The following PLD1 variants were observed in gnomAD, a reference collection of about 807,000 sequenced individuals.
PLD1 encodes phospholipase D1.
PLD1 carries 112 observed loss-of-function variants against 137.1 expected under a neutral mutation model. That is an observed-to-expected ratio of 0.82 (90% confidence interval 0.70 to 0.96). The LOEUF (loss-of-function observed/expected upper bound fraction) is 0.96. Among genes scored for constraint, PLD1 ranks in the 40% least tolerant of loss-of-function variants. PLD1 has a pLI of 0.00. For missense variants in PLD1, 1,321 were observed against 1,342.0 expected (o/e 0.98, Z 0.24); for synonymous variants, 431 against 454.7 (o/e 0.95, Z 0.66).
chr3:171,777,285 A>G lies in PLD1; in HGVS notation c.-32+33114T>C, dbSNP rs139486839. ...TGAAAAGAGTTCAAAATTGGTTTCTATGTCCCAGGAACCGGAGAGCTGGTC... is the reference window on the plus strand; with the variant it reads ...TGAAAAGAGTTCAAAATTGGTTTCTGTGTCCCAGGAACCGGAGAGCTGGTC... On this transcript the variant is annotated intron_variant, in intron 1 of 26. Transcript: ENST00000351298. Among the ~76,000 whole-genome samples, 1,361 of 152,314 alleles carry G rather than the reference A, an allele frequency of 8.9e-3. 21 individuals are homozygous for G. Among genetic ancestry groups the G allele is most frequent in the African/African-American group, 0.031 (1,279 of 41,564 alleles).
Position 171,675,776 on chromosome 3 carries a change from A to G in PLD1, c.2115+939T>C, listed in dbSNP as rs569232626. Among the ~76,000 whole-genome samples, 16 of 152,276 alleles carry G rather than the reference A, an allele frequency of 1.1e-4. 1 individual carries two copies. Among genetic ancestry groups the G allele is most frequent in the African/African-American group, 1.9e-4 (8 of 41,546 alleles). ...ACTAAATTCTTTTTCCAAACGACCAAGGGGAATCATGACTCATTATCCCTT... is the reference window on the plus strand; with the variant it reads ...ACTAAATTCTTTTTCCAAACGACCAGGGGGAATCATGACTCATTATCCCTT... On this transcript the variant is annotated intron_variant, in intron 18 of 26. Transcript: ENST00000351298.
chr3:171,663,150 T>C (rs947304985), intron 19 of PLD1, among the ~76,000 whole-genome samples: 2 of 152,230 alleles, frequency 1.3e-5, no homozygotes, highest in Non-Finnish European at 2.9e-5. Context: ...CTCTTCTCCT[T>C]AGCGTCTATA....
chr3:171,659,978 TACA>T (rs1233626732), intron 20 of PLD1, among the ~76,000 whole-genome samples: 1 of 152,226 alleles, frequency 6.6e-6, no homozygotes, highest in Non-Finnish European at 1.5e-5. Context: ...GAAAACAAGT[TACA>T]ACATTATCAT....
intron 24 of PLD1, among the ~76,000 whole-genome samples, chr3:171,614,376 T>G (rs893103620): frequency 6.6e-6 from 1 of 152,192 alleles, no homozygotes; most frequent in Non-Finnish European, 1.5e-5. Flanking sequence ...TTTGGGCAAT[T>G]CACTTAATCT....
intron 19 of PLD1, among the ~76,000 whole-genome samples, chr3:171,663,808 T>C (rs1228971948): frequency 1.3e-5 from 2 of 152,230 alleles, no homozygotes; most frequent in Non-Finnish European, 2.9e-5. Context: ...AAACTGTCCC[T>C]TATAAGGTCA....
chr3:171,652,084 G>GA (rs1350739809), intron 21 of PLD1, among the ~76,000 whole-genome samples: 1 of 152,098 alleles, frequency 6.6e-6, no homozygotes, highest in Admixed American at 6.5e-5. Flanking sequence ...TATCCCACAA[G>GA]AAAAAATGTG....
chr3:171,764,877 A>G (rs1578438135), intron 1 of PLD1, among the ~76,000 whole-genome samples: 1 of 28,616 alleles, frequency 3.5e-5, no homozygotes, highest in African/African-American at 1.4e-4. Context: ...GAAAGAAAGA[A>G]AGAAAGAAAG....
intron 1 of PLD1, among the ~76,000 whole-genome samples, chr3:171,747,918 C>A (rs1560274782): frequency 6.7e-6 from 1 of 148,858 alleles, no homozygotes; most frequent in Non-Finnish European, 1.5e-5. Flanking sequence ...GCTCAACTTC[C>A]TCACCTAAAA....
At chr3:171,704,255 G>A (rs1005299776) in intron 11 of PLD1, among the ~76,000 whole-genome samples, 1 of 152,110 alleles carries the variant, frequency 6.6e-6, no homozygotes, top group Non-Finnish European at 1.5e-5. Context: ...GCACCACAAA[G>A]GCATTAACAA....
In PLD1 at chr3:171,632,818, G is replaced by A. The variant is rs565835951; in HGVS notation, c.2593+10022C>T. Among the ~76,000 whole-genome samples the A allele has an allele frequency of 7.2e-5, 11 of 152,236 alleles. No individual in the cohort carries two copies. The East Asian group carries it at 9.6e-4, about 13-fold the overall frequency. On this transcript the variant is annotated intron_variant, in intron 23 of 26. Transcript: ENST00000351298. The stretch of plus-strand genomic sequence containing the variant: ...TGAAGGTTTAGGACATGTCATATTC[G>A]TAATTTTCTAAAGCACATCTATGTG...
At chr3:171,632,423 T>C (rs1734744620) in intron 23 of PLD1, among the ~76,000 whole-genome samples, 1 of 152,194 alleles carries the variant, frequency 6.6e-6, no homozygotes, top group African/African-American at 2.4e-5. Flanking sequence ...ACTGGCAATA[T>C]TTCAATAAGG....
intron 25 of PLD1, among the ~76,000 whole-genome samples, chr3:171,610,799 ATCT>A (rs756572856): frequency 2.0e-5 from 3 of 152,222 alleles, no homozygotes; most frequent in African/African-American, 4.8e-5. Context: ...TGGTTTGAAA[ATCT>A]TCTTACTGGC....
chr3:171,724,115 C>T (rs4894750), intron 8 of PLD1, among the ~76,000 whole-genome samples: 57,510 of 151,964 alleles, frequency 0.38, 12,380 homozygotes, highest in African/African-American at 0.58. Flanking sequence ...TAGAAAAGTT[C>T]TATTGTAGAC....
At chr3:171,747,523 A>G (rs76429173) in intron 1 of PLD1, among the ~76,000 whole-genome samples, 5,039 of 148,520 alleles carry the variant, frequency 0.034, 305 homozygotes, top group African/African-American at 0.12. Context: ...CAACCCTACT[A>G]TGCAACCTTA....
chr3:171,653,669 C>G (rs1325079296), intron 21 of PLD1: 1 of 140,176 alleles, frequency 7.1e-6, no homozygotes, highest in East Asian at 2.1e-4. Flanking sequence ...AATTTTGAAA[C>G]AGCTGATTTG....
chr3:171,782,089 A>G (rs1271406118), intron 1 of PLD1, among the ~76,000 whole-genome samples: 1 of 152,262 alleles, frequency 6.6e-6, no homozygotes, highest in Non-Finnish European at 1.5e-5. Context: ...TGATATGAAT[A>G]CATCTCAGAA....
intron 24 of PLD1, among the ~76,000 whole-genome samples, chr3:171,617,022 A>C (rs942463940): frequency 6.6e-6 from 1 of 152,128 alleles, no homozygotes; most frequent in Non-Finnish European, 1.5e-5. Flanking sequence ...ACCACATATG[A>C]GCATTACCTA....
chr3:171,742,172 T>C (rs1363308734), intron 1 of PLD1, among the ~76,000 whole-genome samples: 1 of 152,186 alleles, frequency 6.6e-6, no homozygotes, highest in East Asian at 1.9e-4. Flanking sequence ...GAGGTGGGAC[T>C]GGGGTGGGAG....
intron 16 of PLD1, among the ~76,000 whole-genome samples, chr3:171,680,815 G>A (rs568496826): frequency 1.3e-5 from 2 of 152,140 alleles, no homozygotes; most frequent in East Asian, 1.9e-4. Context: ...ACCTCCCCAC[G>A]GCTTCCCAGA....
Sources: allele counts gnomAD v4.1 joint callset (sites outside exome capture counted in the v4.1 genomes callset), GRCh38; gene constraint gnomAD v4.1.1; transcripts MANE v1.5; gene names NCBI Gene and HGNC (gene_info 2026-07-23, HGNC 2026-07-21).